Variants in USP34 observed in about 807,000 individuals in gnomAD.
USP34 encodes ubiquitin specific peptidase 34, also known as ubiquitin carboxyl-terminal hydrolase 34.
Under a neutral mutation model 460.3 loss-of-function variants are expected in USP34, and 70 were observed. The observed-to-expected ratio is 0.15, with a 90% CI of 0.13 to 0.19. USP34 has a LOEUF of 0.19. Among genes scored for constraint, USP34 ranks in the 10% least tolerant of loss-of-function variants. The probability of loss-of-function intolerance (pLI) is 1.00; values close to 1 mark genes in which losing one functional copy is unlikely to be tolerated. For synonymous variants in USP34, 1,647 were observed against 1,405.3 expected, an observed-to-expected ratio of 1.17 and a Z score of -3.85; for missense variants, 3,985 against 4,236.2, an observed-to-expected ratio of 0.94 and a Z score of 1.65.
At chr2:61,232,062 A>G (rs2103834403) in intron 58 of USP34, among the ~76,000 whole-genome samples, 1 of 152,244 alleles carries the variant, frequency 6.6e-6, no homozygotes, top group East Asian at 1.9e-4. Context: ...AGACCCAATC[A>G]CAGAAATAAG....
At chr2:61,264,992 AAAAG>A (rs1460074624) in intron 43 of USP34, among the ~76,000 whole-genome samples, 3 of 152,242 alleles carry the variant, frequency 2.0e-5, no homozygotes, top group Non-Finnish European at 4.4e-5. Flanking sequence ...GGATAAATAT[AAAAG>A]AAACAAGCTA....
At chr2:61,397,845 G>A (rs1176774805) in intron 3 of USP34, among the ~76,000 whole-genome samples, 1 of 151,886 alleles carries the variant, frequency 6.6e-6, no homozygotes, top group African/African-American at 2.4e-5. Flanking sequence ...GCTGCAGTGA[G>A]CTGAGATCGT....
At chr2:61,294,721 C>T (rs1689971627) in intron 32 of USP34, among the ~76,000 whole-genome samples, 1 of 152,072 alleles carries the variant, frequency 6.6e-6, no homozygotes, top group Non-Finnish European at 1.5e-5. Context: ...TGCCAGGACT[C>T]TCACAGTATT....
intron 41 of USP34, chr2:61,277,904 C>T (rs752911643): frequency 7.7e-6 from 3 of 390,122 alleles, no homozygotes; most frequent in African/African-American, 4.1e-5. Flanking sequence ...ACCGCTTTCG[C>T]TTGGTTCTCA....
intron 1 of USP34, among the ~76,000 whole-genome samples, chr2:61,424,521 T>G (rs780959834): frequency 2.0e-5 from 3 of 152,148 alleles, no homozygotes; most frequent in Non-Finnish European, 4.4e-5. Context: ...CATGAAAAAG[T>G]TGTAGAGATT....
chr2:61,416,055 C>A (rs2103961040), intron 2 of USP34, among the ~76,000 whole-genome samples: 1 of 152,226 alleles, frequency 6.6e-6, no homozygotes, highest in South Asian at 2.1e-4. Flanking sequence ...TTTCCCTAGC[C>A]CAATTCTGCT....
chr2:61,387,053 G>A (rs1355100345), intron 5 of USP34, among the ~76,000 whole-genome samples: 1 of 152,052 alleles, frequency 6.6e-6, no homozygotes, highest in African/African-American at 2.4e-5. Flanking sequence ...ACATCAGCAA[G>A]AAAAAGACAA....
intron 1 of USP34, among the ~76,000 whole-genome samples, chr2:61,438,637 T>C (rs1438903254): frequency 6.6e-6 from 1 of 150,542 alleles, no homozygotes; most frequent in African/African-American, 2.4e-5. Flanking sequence ...AAAAAAACAC[T>C]CTCAATAAAT....
chr2:61,351,886 T>G (rs1288875226), intron 10 of USP34, among the ~76,000 whole-genome samples: 1 of 152,210 alleles, frequency 6.6e-6, no homozygotes, highest in East Asian at 1.9e-4. Context: ...GTATTTGATT[T>G]TAAGGACAAG....
rs1558473060 is a variant in USP34, at chr2:61,220,436, GAGA to G, written c.7918_7920del (p.Ser2640del). The G allele has an allele frequency of 6.2e-7, 1 of 1,612,912 alleles. No individual in the cohort carries two copies. ...TGCACTGCCAACCAATCTAGACACT[GAGA>G]AGGATTGTATTCAATCACCTACAAA... On this transcript the variant is annotated inframe_deletion, in exon 67 of 80. Coordinates refer to ENST00000398571, the MANE Select transcript of USP34 (RefSeq NM_014709.4).
intron 48 of USP34, among the ~76,000 whole-genome samples, chr2:61,253,811 T>C (rs1460763527): frequency 2.6e-5 from 4 of 151,994 alleles, no homozygotes; most frequent in African/African-American, 9.7e-5. Flanking sequence ...CTTGGCTCAC[T>C]GCAACCTCTG....
At chr2:61,421,751 A>T (rs1047097797) in intron 1 of USP34, among the ~76,000 whole-genome samples, 4 of 151,680 alleles carry the variant, frequency 2.6e-5, no homozygotes, top group African/African-American at 9.7e-5. Flanking sequence ...TACCAAATAT[A>T]TATGAGGTTA....
intron 27 of USP34, among the ~76,000 whole-genome samples, chr2:61,302,772 T>C (rs940020908): frequency 1.3e-5 from 2 of 152,228 alleles, no homozygotes; most frequent in African/African-American, 2.4e-5. Flanking sequence ...CTTTCTATTA[T>C]CCTTTTGAAT....
chr2:61,412,677 C>T (rs978708802), intron 2 of USP34, among the ~76,000 whole-genome samples: 4 of 151,612 alleles, frequency 2.6e-5, no homozygotes, highest in African/African-American at 9.7e-5. Flanking sequence ...CTGCTTGAAC[C>T]CAGGAGTTCA....
At chr2:61,462,719 G>A (rs568654264) in intron 1 of USP34, among the ~76,000 whole-genome samples, 10 of 151,742 alleles carry the variant, frequency 6.6e-5, no homozygotes, top group East Asian at 1.9e-4. Flanking sequence ...AAATTAGCCC[G>A]GCATGATGGC....
chr2:61,432,364 T>C (rs1484568175), intron 1 of USP34, among the ~76,000 whole-genome samples: 1 of 152,078 alleles, frequency 6.6e-6, no homozygotes, highest in African/African-American at 2.4e-5. Flanking sequence ...CAGTCTTAGC[T>C]ACTCAGGAAG....
chr2:61,352,025 G>A lies in USP34; in HGVS notation c.1252-1332C>T, dbSNP rs566655119. ...CCCCTATCTGAAATGCTTGGAAGCA[G>A]AAGTGTTTCAGGTTTTGGATTTTTC... On this transcript the variant is annotated intron_variant, in intron 10 of 79. Transcript: ENST00000398571. Among the ~76,000 whole-genome samples the A allele has an allele frequency of 2.6e-5, 4 of 152,260 alleles. No individual in the cohort carries two copies. In the South Asian group the frequency reaches 8.3e-4, roughly 32 times the overall value.
chr2:61,470,589 A>G (rs1023215186), intron 1 of USP34, 61 bp downstream of exon 1: 6 of 1,214,180 alleles, frequency 4.9e-6, no homozygotes, highest in Non-Finnish European at 7.1e-6. Flanking sequence ...CGGGGAGGCC[A>G]GAGAGCTGCG....
rs200560829 is a variant in USP34, at chr2:61,406,050, C to A, written c.210G>T (p.Val70=). 37 of 1,613,570 alleles carry A rather than the reference C, an allele frequency of 2.3e-5. No individual in the cohort carries two copies. The Middle Eastern group carries it at 1.3e-3, about 57-fold the overall frequency. ...CCCGGAGCACTTGAACTTGGGCAAT[C>A]ACTAAGTTAATAAGTGCACACACTA... ...NQVVCALINL[V]IAQVQVLRDQ... is the part of the protein sequence containing the mutation. Residue 70 remains valine (V), a synonymous_variant, in exon 3 of 80, where the codon GTG becomes GTT. Transcript: ENST00000398571.
Sources: gnomAD v4.1 joint callset for allele counts (sites outside exome capture counted in the v4.1 genomes callset) on GRCh38, gnomAD v4.1.1 for gene constraint, MANE v1.5 for transcripts, NCBI Gene and HGNC (gene_info 2026-07-23, HGNC 2026-07-21) for gene names.